The following LCOR variants were observed in gnomAD, a reference collection of about 807,000 sequenced individuals.
The protein encoded by LCOR is ligand dependent nuclear receptor corepressor, also known as ligand-dependent corepressor.
In LCOR, 14 loss-of-function variants were observed where a neutral mutation model predicts 64.4. That is an observed-to-expected ratio of 0.22 (90% CI 0.14 to 0.34). The LOEUF (loss-of-function observed/expected upper bound fraction) is 0.34. Ranked by LOEUF, LCOR falls within the 10% of genes least tolerant of loss-of-function variation. The pLI, the probability that LCOR is intolerant of heterozygous loss-of-function variation, is 1.00. For synonymous variants in LCOR, 643 were observed against 642.5 expected (o/e 1.00, Z -0.01); for missense variants, 1,686 against 1,765.3 (o/e 0.96, Z 0.80).
chr10:96,870,320 A>AG (rs1266295031), intron 2 of LCOR, among the ~76,000 whole-genome samples: 3 of 152,196 alleles, frequency 2.0e-5, no homozygotes, highest in Non-Finnish European at 4.4e-5. Flanking sequence ...CCTAAACCCT[A>AG]GGTTTTGACT....
At chr10:96,880,076 T>C (rs1249804210) in intron 2 of LCOR, among the ~76,000 whole-genome samples, 1 of 152,234 alleles carries the variant, frequency 6.6e-6, no homozygotes, top group African/African-American at 2.4e-5. Context: ...GTTGCTTCAG[T>C]TGCTTCACTG....
rs1272414623 is a variant in LCOR, at chr10:96,984,579, G to A, written c.4119G>A (p.Lys1373=). ...CAGATGGGTTTCCTGTTAAGCCCAA[G>A]AGTACTGAAGGAATGAAGGGAAGGA... ...VDADGFPVKP[K]STEGMKGRKG... is the part of the protein sequence containing the mutation. The change falls in exon 8 of 8, where the codon AAG becomes AAA. Residue 1373 remains lysine, a synonymous_variant. Coordinates refer to ENST00000421806, the MANE Select transcript of LCOR (RefSeq NM_001346516.2). 2 of 1,614,208 alleles carry A rather than the reference G, an allele frequency of 1.2e-6. No homozygotes were observed. Among genetic ancestry groups the A allele is most frequent in the Non-Finnish European group, 1.7e-6 (2 of 1,180,032 alleles).
At chr10:96,904,787 C>T (rs1341692784) in intron 2 of LCOR, among the ~76,000 whole-genome samples, 1 of 152,046 alleles carries the variant, frequency 6.6e-6, no homozygotes, top group Non-Finnish European at 1.5e-5. Flanking sequence ...ATTTGTTCTT[C>T]GCTTATTTGC....
intron 7 of LCOR, chr10:96,955,447 G>A (rs1564637500): frequency 6.2e-7 from 1 of 1,614,198 alleles, no homozygotes; most frequent in East Asian, 2.2e-5. Flanking sequence ...TACAGCTATA[G>A]CTCTTTGGTA....
chr10:96,956,395 C>A, intron 7 of LCOR: 1 of 985,102 alleles, frequency 1.0e-6, no homozygotes, highest in Non-Finnish European at 1.2e-6. Context: ...CATTTTTCAT[C>A]TACGATTCAA....
chr10:96,837,451 G>C (rs1011625441), intron 2 of LCOR, among the ~76,000 whole-genome samples: 1 of 151,074 alleles, frequency 6.6e-6, no homozygotes, highest in Non-Finnish European at 1.5e-5. Flanking sequence ...AGAGATGAGG[G>C]TTCAGCATCT....
At chr10:96,879,038 C>T (rs772854871) in intron 2 of LCOR, among the ~76,000 whole-genome samples, 2 of 152,060 alleles carry the variant, frequency 1.3e-5, no homozygotes, top group East Asian at 1.9e-4. Context: ...TCAAGTGATT[C>T]GCCTGCCTTG....
chr10:96,904,911 G>A (rs1317961418), intron 2 of LCOR, among the ~76,000 whole-genome samples: 1 of 152,104 alleles, frequency 6.6e-6, no homozygotes, highest in African/African-American at 2.4e-5. Context: ...TGAACAGAGG[G>A]TAGCAAAATA....
At chr10:96,957,089 A>C in intron 7 of LCOR, 1 of 985,320 alleles carries the variant, frequency 1.0e-6, no homozygotes, top group Non-Finnish European at 1.2e-6. Context: ...CTAACAATTC[A>C]ATCAGAAGTC....
chr10:96,940,579 C>A (rs1490517853), intron 4 of LCOR, among the ~76,000 whole-genome samples: 1 of 103,696 alleles, frequency 9.6e-6, no homozygotes, highest in Non-Finnish European at 2.0e-5. Context: ...CGCCCTTAAT[C>A]CATTTAACCC....
chr10:96,956,398 C>T (rs920358219), intron 7 of LCOR: 3 of 984,784 alleles, frequency 3.0e-6, no homozygotes, highest in Non-Finnish European at 3.6e-6. Context: ...TTTTCATCTA[C>T]GATTCAACTA....
intron 1 of LCOR, chr10:96,832,946 C>T: frequency 1.0e-6 from 1 of 973,970 alleles, no homozygotes; most frequent in Non-Finnish European, 1.2e-6. Flanking sequence ...GCGCCCGGCG[C>T]TCGGGCGTGT....
At position 96,992,257 on chromosome 10, in the gene LCOR, C is replaced by A. The variant is rs1449243737; in HGVS notation, c.*7123C>A. ...TACATATATATAATATTTATACACA[C>A]CACTGTGGAATTTATTTCACTGTGT... On this transcript the variant is annotated 3_prime_UTR_variant, in exon 8 of 8. Coordinates refer to ENST00000421806, the MANE Select transcript of LCOR (RefSeq NM_001346516.2). 1.3e-5 allele frequency: 2 copies of A among 152,180 alleles called. No homozygotes were observed. Among genetic ancestry groups the A allele is most frequent in the Non-Finnish European group, 2.9e-5 (2 of 68,022 alleles). The allele number at this position is 152,180 out of a possible 1,614,324, so 9.4% of individuals were successfully genotyped here.
At position 96,992,678 on chromosome 10, in the gene LCOR, C is replaced by T. The variant is rs1194103548; in HGVS notation, c.*7544C>T. ...CTACTTCTTGCATGCACAGTTGGTA[C>T]ATTCAGCTGTACACTTAACAGCCTG... is the stretch of plus-strand genomic sequence containing the variant. On this transcript the variant is annotated 3_prime_UTR_variant, in exon 8 of 8. Coordinates refer to ENST00000421806, the MANE Select transcript of LCOR (RefSeq NM_001346516.2). The T allele has an allele frequency of 6.6e-6, 1 of 152,262 alleles. No homozygotes were observed. Among genetic ancestry groups the T allele is most frequent in the Non-Finnish European group, 1.5e-5 (1 of 68,070 alleles). The allele number at this position is 152,262 out of a possible 1,614,324, so 9.4% of individuals were successfully genotyped here.
intron 7 of LCOR, among the ~76,000 whole-genome samples, chr10:96,978,977 G>A (rs1270064748): frequency 6.6e-6 from 1 of 152,212 alleles, no homozygotes; most frequent in Non-Finnish European, 1.5e-5. Flanking sequence ...GACGTAACTT[G>A]CCTAAGATCC....
intron 7 of LCOR, among the ~76,000 whole-genome samples, chr10:96,974,279 A>G (rs1162903263): frequency 6.6e-6 from 1 of 152,190 alleles, no homozygotes; most frequent in Non-Finnish European, 1.5e-5. Flanking sequence ...TAAGTATTGG[A>G]AATCCAGTTT....
At chr10:96,964,573 C>G (rs116478599) in intron 7 of LCOR, 2 of 152,026 alleles carry the variant, frequency 1.3e-5, no homozygotes, top group Admixed American at 6.6e-5. Context: ...TAAATTCTTT[C>G]TAGATGCAAT....
At chr10:96,930,375 A>C (rs1399658404) in intron 4 of LCOR, among the ~76,000 whole-genome samples, 1 of 152,178 alleles carries the variant, frequency 6.6e-6, no homozygotes, top group Non-Finnish European at 1.5e-5. Context: ...CTTTCTTTAT[A>C]AAGTTTATAA....
intron 7 of LCOR, among the ~76,000 whole-genome samples, chr10:96,971,242 C>G (rs1480099549): frequency 2.6e-5 from 4 of 152,156 alleles, no homozygotes; most frequent in Non-Finnish European, 5.9e-5. Context: ...TCGTTGAACT[C>G]ATTTTTTTTG....
Sources: allele counts gnomAD v4.1 joint callset (sites outside exome capture counted in the v4.1 genomes callset), GRCh38; gene constraint gnomAD v4.1.1; transcripts MANE v1.5; gene names NCBI Gene and HGNC (gene_info 2026-07-23, HGNC 2026-07-21).